Variants in CA10 observed in about 807,000 individuals in gnomAD.
CA10 encodes the protein carbonic anhydrase 10 (inactive), also known as carbonic anhydrase-related protein 10.
CA10 carries 14 observed loss-of-function variants against 44.2 expected under a neutral mutation model. That is an observed-to-expected ratio of 0.32 (90% CI 0.21 to 0.50). The LOEUF is 0.50. Ranked by LOEUF, CA10 falls within the 20% of genes least tolerant of loss-of-function variation. CA10 has a pLI of 0.99. For synonymous variants in CA10, 159 were observed against 141.6 expected (o/e 1.12, Z -0.87); for missense variants, 350 against 409.7 (o/e 0.85, Z 1.26).
intron 2 of CA10, among the ~76,000 whole-genome samples, chr17:51,964,544 A>G (rs886597753): frequency 6.6e-6 from 1 of 151,980 alleles, no homozygotes; most frequent in African/African-American, 2.4e-5. Flanking sequence ...AAAAATTGAA[A>G]TTACACCAAC....
At chr17:51,988,836 A>T (rs58799291) in intron 2 of CA10, among the ~76,000 whole-genome samples, 3,122 of 152,148 alleles carry the variant, frequency 0.021, 107 homozygotes, top group African/African-American at 0.071. Context: ...TGTGAAATTA[A>T]TATTTTATTA....
chr17:51,829,748 G>A (rs1177256579), intron 3 of CA10, among the ~76,000 whole-genome samples: 1 of 152,168 alleles, frequency 6.6e-6, no homozygotes, highest in Non-Finnish European at 1.5e-5. Flanking sequence ...TGAGCAAGTT[G>A]TTTGCTCAAT....
At chr17:51,831,245 G>C (rs1908228295) in intron 3 of CA10, among the ~76,000 whole-genome samples, 1 of 152,192 alleles carries the variant, frequency 6.6e-6, no homozygotes, top group African/African-American at 2.4e-5. Context: ...TTTAAAGCTT[G>C]GCTCTCTCTG....
At chr17:51,731,003 G>A (rs1387767676) in intron 4 of CA10, among the ~76,000 whole-genome samples, 1 of 152,170 alleles carries the variant, frequency 6.6e-6, no homozygotes. Context: ...GGATAAGACG[G>A]TCCCTGACTG....
At chr17:52,078,422 T>A (rs1367778939) in intron 1 of CA10, among the ~76,000 whole-genome samples, 1 of 152,212 alleles carries the variant, frequency 6.6e-6, no homozygotes, top group Non-Finnish European at 1.5e-5. Context: ...AGTACAATTA[T>A]ACCTGTGCCA....
At chr17:52,007,269 T>TTTAA (rs1985632555) in intron 2 of CA10, among the ~76,000 whole-genome samples, 1 of 151,642 alleles carries the variant, frequency 6.6e-6, no homozygotes, top group South Asian at 2.1e-4. Flanking sequence ...CAGTAACAAA[T>TTTAA]TTAAGTGCTA....
intron 3 of CA10, among the ~76,000 whole-genome samples, chr17:51,924,380 T>G (rs1982344459): frequency 6.6e-6 from 1 of 152,214 alleles, no homozygotes; most frequent in Admixed American, 6.5e-5. Flanking sequence ...GGTGCTGTAT[T>G]ACAAGGGCTG....
chr17:51,785,625 C>T (rs1906240563), intron 3 of CA10, among the ~76,000 whole-genome samples: 4 of 152,036 alleles, frequency 2.6e-5, no homozygotes, highest in Non-Finnish European at 5.9e-5. Flanking sequence ...CAATAAAAAC[C>T]AAAAATAGAG....
intron 5 of CA10, among the ~76,000 whole-genome samples, chr17:51,652,687 G>C (rs1336747699): frequency 6.6e-6 from 1 of 152,210 alleles, no homozygotes; most frequent in Non-Finnish European, 1.5e-5. Flanking sequence ...GGCGGGGAGA[G>C]GGATCAGTGC....
intron 2 of CA10, among the ~76,000 whole-genome samples, chr17:51,948,497 AG>A (rs1983367470): frequency 6.6e-6 from 1 of 152,170 alleles, no homozygotes; most frequent in Non-Finnish European, 1.5e-5. Context: ...CAGTTCTGCA[AG>A]GGCCTCCTCC....
At chr17:51,947,883 G>A (rs1384276380) in intron 2 of CA10, among the ~76,000 whole-genome samples, 1 of 152,014 alleles carries the variant, frequency 6.6e-6, no homozygotes, top group African/African-American at 2.4e-5. Context: ...CCCCTCTTAG[G>A]AGAATATGAA....
chr17:51,785,722 T>C (rs1309051199), intron 3 of CA10, among the ~76,000 whole-genome samples: 3 of 152,220 alleles, frequency 2.0e-5, no homozygotes, highest in East Asian at 3.8e-4. Context: ...GTAGTATAAT[T>C]TGATGTTAGG....
At chr17:51,808,937 A>G (rs774857384) in intron 3 of CA10, among the ~76,000 whole-genome samples, 2 of 152,176 alleles carry the variant, frequency 1.3e-5, no homozygotes, top group Middle Eastern at 3.2e-3. Context: ...TTCATTTTCA[A>G]TATCTTTAAG....
rs956464035 is a variant in CA10 at position 51,784,916 on chromosome 17, G to A, written c.280-37098C>T. Among the ~76,000 whole-genome samples the A allele has an allele frequency of 4.6e-5, 7 of 152,008 alleles. No homozygotes were observed. In the East Asian group the frequency reaches 9.6e-4, roughly 21 times the overall value. On this transcript the variant is annotated intron_variant, in intron 3 of 8. Coordinates refer to ENST00000451037, the MANE Select transcript of CA10 (RefSeq NM_020178.5). Reference sequence around the variant, plus strand: ...ATCCCTTAACCATCTGGACCACCCCGAAGTCCCCCACTATGCTTCCCAGCT... The same window carrying A: ...ATCCCTTAACCATCTGGACCACCCCAAAGTCCCCCACTATGCTTCCCAGCT...
intron 1 of CA10, among the ~76,000 whole-genome samples, chr17:52,107,700 T>A (rs1395757425): frequency 6.6e-6 from 1 of 152,180 alleles, no homozygotes; most frequent in East Asian, 1.9e-4. Context: ...AAACATTTTT[T>A]AAAAGCTGCT....
At chr17:52,093,635 T>C (rs1163090920) in intron 1 of CA10, among the ~76,000 whole-genome samples, 1 of 152,176 alleles carries the variant, frequency 6.6e-6, no homozygotes, top group African/African-American at 2.4e-5. Context: ...TACTTTTGTG[T>C]CTTCATTGTG....
chr17:51,920,347 GAC>G (rs1397229260), intron 3 of CA10, among the ~76,000 whole-genome samples: 1 of 151,992 alleles, frequency 6.6e-6, no homozygotes, highest in Admixed American at 6.6e-5. Context: ...CAGGGAAAGA[GAC>G]ACAGGGAAAT....
intron 3 of CA10, among the ~76,000 whole-genome samples, chr17:51,866,778 T>C (rs768852953): frequency 1.3e-5 from 2 of 152,224 alleles, no homozygotes; most frequent in Non-Finnish European, 2.9e-5. Context: ...TGGTTTATGA[T>C]GTTTTATTTT....
chr17:51,809,080 A>C (rs1567846656), intron 3 of CA10, among the ~76,000 whole-genome samples: 1 of 151,506 alleles, frequency 6.6e-6, no homozygotes, highest in African/African-American at 2.4e-5. Context: ...TCATAGCACT[A>C]TGAGACCTAA....
Sources: allele counts gnomAD v4.1 joint callset (sites outside exome capture counted in the v4.1 genomes callset), GRCh38; gene constraint gnomAD v4.1.1; transcripts MANE v1.5; gene names NCBI Gene and HGNC (gene_info 2026-07-23, HGNC 2026-07-21).